Variants in PPP1R1C observed in about 807,000 individuals in gnomAD.
PPP1R1C encodes the protein protein phosphatase 1 regulatory inhibitor subunit 1C, also known as protein phosphatase 1 regulatory subunit 1C.
In PPP1R1C, 15 loss-of-function variants were observed where a neutral mutation model predicts 17.4. The ratio of observed to expected loss-of-function variants is 0.86; its 90% CI spans 0.58 to 1.33. The LOEUF is 1.33. Ranked by LOEUF, PPP1R1C falls within the 40% of genes most tolerant of loss-of-function variation. The pLI, the probability that PPP1R1C is intolerant of heterozygous loss-of-function variation, is 0.00. For synonymous variants in PPP1R1C, 35 were observed against 43.1 expected (o/e 0.81, Z 0.73); for missense variants, 143 against 130.0 (o/e 1.10, Z -0.48).
chr2:182,075,768 C>T (rs1688279425), intron 4 of PPP1R1C, among the ~76,000 whole-genome samples: 1 of 152,162 alleles, frequency 6.6e-6, no homozygotes. Flanking sequence ...ATGTCCATTT[C>T]AGGTTAAACT....
chr2:182,072,571 C>T (rs138888160), intron 4 of PPP1R1C, among the ~76,000 whole-genome samples: 174 of 152,250 alleles, frequency 1.1e-3, no homozygotes, highest in African/African-American at 4.0e-3. Context: ...AAAACTAAGT[C>T]ATGACCTGAG....
intron 4 of PPP1R1C, among the ~76,000 whole-genome samples, chr2:182,087,186 G>A (rs75563163): frequency 3.3e-5 from 5 of 152,292 alleles, no homozygotes; most frequent in East Asian, 1.9e-4. Flanking sequence ...TAAATGGGCC[G>A]TATTGTACAC....
chr2:181,998,639 T>G (rs1349867322), intron 2 of PPP1R1C, among the ~76,000 whole-genome samples: 2 of 152,222 alleles, frequency 1.3e-5, no homozygotes, highest in Non-Finnish European at 2.9e-5. Context: ...TGTTACCACT[T>G]AACTTCCTCC....
intron 2 of PPP1R1C, among the ~76,000 whole-genome samples, chr2:181,975,458 ATTCTCTCTCTTTT>A (rs774783188): frequency 6.6e-6 from 1 of 151,798 alleles, no homozygotes; most frequent in Non-Finnish European, 1.5e-5. Flanking sequence ...GACTGTGTTT[ATTCTCTCTCTTTT>A]TTCTCTCTCA....
chr2:181,982,599 G>A (rs906242699), upstream of PPP1R1C, among the ~76,000 whole-genome samples: 2 of 152,156 alleles, frequency 1.3e-5, no homozygotes, highest in African/African-American at 2.4e-5. Flanking sequence ...TTCTTGTGTG[G>A]AGAATCTGAA....
intron 4 of PPP1R1C, among the ~76,000 whole-genome samples, chr2:182,080,412 A>G (rs1215754247): frequency 1.3e-5 from 2 of 152,224 alleles, no homozygotes; most frequent in African/African-American, 4.8e-5. Flanking sequence ...TTGTTGCCAT[A>G]ACTAATCAAC....
chr2:181,995,143 T>G (rs1480449023), intron 2 of PPP1R1C, among the ~76,000 whole-genome samples: 1 of 152,244 alleles, frequency 6.6e-6, no homozygotes, highest in East Asian at 1.9e-4. Flanking sequence ...TGCATTTTTG[T>G]AGTAAAAACA....
At chr2:181,996,955 C>T (rs894513900) in intron 2 of PPP1R1C, among the ~76,000 whole-genome samples, 26 of 152,178 alleles carry the variant, frequency 1.7e-4, no homozygotes, top group Non-Finnish European at 3.1e-4. Flanking sequence ...CACAGCCGGG[C>T]GCGGTGGCTC....
chr2:182,028,304 A>AG (rs1439082545), intron 2 of PPP1R1C, among the ~76,000 whole-genome samples: 3 of 138,252 alleles, frequency 2.2e-5, no homozygotes, highest in Non-Finnish European at 4.7e-5. Flanking sequence ...TTGTGATGTT[A>AG]GGGTGTCAAT....
At chr2:182,112,402 A>C (rs1039779892) in intron 4 of PPP1R1C, among the ~76,000 whole-genome samples, 4 of 152,142 alleles carry the variant, frequency 2.6e-5, no homozygotes, top group Non-Finnish European at 5.9e-5. Context: ...CCACAATAAC[A>C]AAAGGATTGA....
At chr2:182,019,709 T>A (rs2125161901) in intron 2 of PPP1R1C, among the ~76,000 whole-genome samples, 1 of 152,318 alleles carries the variant, frequency 6.6e-6, no homozygotes, top group African/African-American at 2.4e-5. Context: ...AGCTAGAGTT[T>A]GAACTCAGAG....
At chr2:181,963,294 C>T (rs1684842693) in intron 1 of PPP1R1C, among the ~76,000 whole-genome samples, 1 of 152,148 alleles carries the variant, frequency 6.6e-6, no homozygotes, top group South Asian at 2.1e-4. Flanking sequence ...AAAACACTAT[C>T]CACATTTAAA....
At chr2:182,055,944 GT>G (rs1263771187) in intron 2 of PPP1R1C, among the ~76,000 whole-genome samples, 1 of 152,120 alleles carries the variant, frequency 6.6e-6, no homozygotes, top group African/African-American at 2.4e-5. Context: ...GTGAATGGGA[GT>G]TTTCTCTCCT....
At chr2:182,129,616 T>C (rs1360111121) in exon 6 of PPP1R1C, 4 of 152,136 alleles carry the variant, frequency 2.6e-5, no homozygotes, top group Non-Finnish European at 5.9e-5. Flanking sequence ...ATAATCACAT[T>C]AATTATGTAT....
chr2:182,090,289 C>CTGTGTGTGTGTGTGTG (rs142618201), intron 4 of PPP1R1C, among the ~76,000 whole-genome samples: 4,439 of 145,626 alleles, frequency 0.03, 103 homozygotes, highest in African/African-American at 0.063. Context: ...ACTATAAATT[C>CTGTGTGTGTGTGTGTG]TGTGTGTGTG....
At position 182,018,788 on chromosome 2, in the gene PPP1R1C, G is replaced by C. The variant is rs539589489; in HGVS notation, c.142+30889G>C. Among the ~76,000 whole-genome samples, 256 of 152,186 alleles carry C rather than the reference G, an allele frequency of 1.7e-3. 1 individual carries two copies. Among genetic ancestry groups the C allele is most frequent in the African/African-American group, 5.8e-3 (241 of 41,520 alleles). ...TGATAAGGATCTGACTGGGGGATGG[G>C]AAAGCAATCGATTGAAAAAGACTAA... On this transcript the variant is annotated intron_variant, in intron 2 of 4. Coordinates refer to ENST00000682840, the MANE Select transcript of PPP1R1C (RefSeq NM_001080545.3).
At chr2:182,046,528 C>T (rs1450556149) in intron 2 of PPP1R1C, among the ~76,000 whole-genome samples, 1 of 151,166 alleles carries the variant, frequency 6.6e-6, no homozygotes, top group Non-Finnish European at 1.5e-5. Flanking sequence ...GAGATCGAGA[C>T]CTTCCTGGCC....
intron 4 of PPP1R1C, among the ~76,000 whole-genome samples, chr2:182,100,109 C>A (rs1689053933): frequency 6.6e-6 from 1 of 152,114 alleles, no homozygotes; most frequent in African/African-American, 2.4e-5. Context: ...TTTCTCAGTT[C>A]ATCATAAGTG....
At chr2:182,028,142 T>A (rs1373254580) in intron 2 of PPP1R1C, among the ~76,000 whole-genome samples, 1 of 138,486 alleles carries the variant, frequency 7.2e-6, no homozygotes, top group East Asian at 2.0e-4. Flanking sequence ...ATCAATTTTG[T>A]TGATCCTTTC....
Sources: gnomAD v4.1 joint callset for allele counts (sites outside exome capture counted in the v4.1 genomes callset) on GRCh38, gnomAD v4.1.1 for gene constraint, MANE v1.5 for transcripts, NCBI Gene and HGNC (gene_info 2026-07-23, HGNC 2026-07-21) for gene names.